The following SUCO variants were observed in gnomAD, a reference collection of about 807,000 sequenced individuals.
SUCO encodes the protein SUN domain containing ossification factor.
In SUCO, 57 loss-of-function variants were observed where a neutral mutation model predicts 148.1. The ratio of observed to expected loss-of-function variants is 0.38; its 90% CI spans 0.31 to 0.48. The LOEUF is 0.48. Ranked by LOEUF, SUCO falls within the 20% of genes least tolerant of loss-of-function variation. The pLI, the probability that SUCO is intolerant of heterozygous loss-of-function variation, is 0.96. For missense variants in SUCO, 1,331 were observed against 1,468.2 expected, an observed-to-expected ratio of 0.91 and a Z score of 1.53; for synonymous variants, 470 against 502.7, an observed-to-expected ratio of 0.93 and a Z score of 0.87.
intron 8 of SUCO, 87 bp from the exon 9 acceptor site, chr1:172,570,576 A>G: frequency 1.2e-6 from 1 of 863,320 alleles, no homozygotes; most frequent in East Asian, 2.6e-5. Flanking sequence ...CTAAAAATAC[A>G]GAAGTCCCAG....
intron 10 of SUCO, chr1:172,574,745 G>C (rs542895648): frequency 1.1e-4 from 27 of 235,130 alleles, no homozygotes; most frequent in South Asian, 7.8e-4. Context: ...GTAGGATGCT[G>C]TTTCTTTATG....
At chr1:172,587,771 C>T (rs1185002305) in intron 17 of SUCO, among the ~76,000 whole-genome samples, 1 of 151,972 alleles carries the variant, frequency 6.6e-6, no homozygotes, top group African/African-American at 2.4e-5. Flanking sequence ...AGTAATTTTT[C>T]AGAATGGGAA....
At chr1:172,532,504 C>G, upstream of SUCO, 1 of 1,613,592 alleles carries the variant, frequency 6.2e-7, no homozygotes, top group Non-Finnish European at 8.5e-7. Context: ...CCCTTTCTAT[C>G]TACCAATCAA....
At position 172,589,818 on chromosome 1, in the gene SUCO, A is replaced by G. The variant is rs147779267; in HGVS notation, c.2717A>G (p.His906Arg). The change falls in exon 18 of 24, where the codon CAT becomes CGT. Residue 906 changes from histidine to arginine, a missense_variant. This residue lies in a region of SUCO where 992 missense variants were observed against 1,093.5 expected (regional missense o/e 0.91). Transcript: ENST00000263688. ...GGATATGCTAATGGAAATCTTGTAC[A>G]TGGATCAAACCAAAAGGAGTCAGTA... ...DLGYANGNLVHGSNQKESVFM... is the reference protein window; with the variant it reads ...DLGYANGNLVRGSNQKESVFM... 3.7e-6 allele frequency: 6 copies of G among 1,610,546 alleles called. No homozygotes were observed. In the African/African-American group the frequency reaches 4.0e-5, roughly 11 times the overall value.
At chr1:172,532,425 T>C (rs1222304192), upstream of SUCO, 7 of 1,459,964 alleles carry the variant, frequency 4.8e-6, no homozygotes, top group Non-Finnish European at 6.5e-6. Context: ...GGCGAAATTC[T>C]TGCTGAAGAG....
intron 15 of SUCO, among the ~76,000 whole-genome samples, chr1:172,581,278 A>T (rs1214100642): frequency 2.6e-5 from 4 of 152,122 alleles, no homozygotes. Flanking sequence ...CCTTTTACAG[A>T]TCTCTGGGAG....
chr1:172,588,203 G>A, intron 17 of SUCO: 1 of 985,180 alleles, frequency 1.0e-6, no homozygotes, highest in Non-Finnish European at 1.2e-6. Context: ...ATGCTGTATT[G>A]GAGTTCCTCA....
chr1:172,573,077 C>G (rs1655167464), intron 9 of SUCO, among the ~76,000 whole-genome samples: 1 of 152,058 alleles, frequency 6.6e-6, no homozygotes, highest in African/African-American at 2.4e-5. Context: ...CAATAAATTG[C>G]ATGTATAATA....
At chr1:172,577,402 T>G (rs544161659) in intron 11 of SUCO, 137 bp from the exon 12 acceptor site, 1 of 779,430 alleles carries the variant, frequency 1.3e-6, no homozygotes, top group East Asian at 2.8e-5. Flanking sequence ...GAATTAAGAA[T>G]ACTACAGTGT....
rs138716610 is a variant in SUCO at position 172,557,801 on chromosome 1, A to G, written c.732+7A>G. On this transcript the variant is annotated splice_region_variant and intron_variant, in intron 6 of 23. Transcript: ENST00000263688. Reference sequence around the variant, plus strand: ...AGATAATTTAAAAAATGAGGTAGGTATATAACTTGCACTATCTCTTACTTC... The same window carrying G: ...AGATAATTTAAAAAATGAGGTAGGTGTATAACTTGCACTATCTCTTACTTC... The G allele has an allele frequency of 9.1e-5, 144 of 1,584,022 alleles. No homozygotes were observed. The African/African-American group carries it at 1.7e-3, about 19-fold the overall frequency.
intron 6 of SUCO, among the ~76,000 whole-genome samples, chr1:172,562,308 A>C (rs1031046646): frequency 6.6e-6 from 1 of 151,994 alleles, no homozygotes; most frequent in South Asian, 2.1e-4. Flanking sequence ...TTAACATTTT[A>C]AGAAAATTGG....
intron 1 of SUCO, among the ~76,000 whole-genome samples, chr1:172,549,071 A>G (rs1653082649): frequency 6.6e-6 from 1 of 151,908 alleles, no homozygotes; most frequent in South Asian, 2.1e-4. Context: ...TCTTAATAAC[A>G]TAATGTTTTC....
chr1:172,561,519 C>G (rs1016281612), intron 6 of SUCO, among the ~76,000 whole-genome samples: 2 of 152,112 alleles, frequency 1.3e-5, no homozygotes, highest in Admixed American at 6.5e-5. Context: ...CCCACACCAG[C>G]TCAGGGTAAT....
At chr1:172,609,446 C>T in intron 23 of SUCO, 1 of 910,916 alleles carries the variant, frequency 1.1e-6, no homozygotes, top group Non-Finnish European at 1.3e-6. Flanking sequence ...CTGAACCTTG[C>T]TTTTCTCATT....
At chr1:172,559,900 T>A (rs935586907) in intron 6 of SUCO, among the ~76,000 whole-genome samples, 1 of 152,154 alleles carries the variant, frequency 6.6e-6, no homozygotes, top group Non-Finnish European at 1.5e-5. Context: ...TTTGATCTGA[T>A]GTCCAAGACC....
At chr1:172,588,229 A>G in intron 17 of SUCO, 1 of 985,278 alleles carries the variant, frequency 1.0e-6, no homozygotes, top group Non-Finnish European at 1.2e-6. Flanking sequence ...TTCTTAGAAA[A>G]ATTATGTTTG....
intron 3 of SUCO, 81 bp from the exon 4 acceptor site, chr1:172,555,788 C>A: frequency 1.8e-6 from 2 of 1,107,688 alleles, no homozygotes; most frequent in South Asian, 2.3e-5. Flanking sequence ...TTCAGAAATG[C>A]TTTCCATAAA....
In SUCO at chr1:172,573,960, T is replaced by A. The variant is rs780196635; in HGVS notation, c.1119T>A (p.Ser373=). 26 of 1,599,698 alleles carry A rather than the reference T, an allele frequency of 1.6e-5. No individual in the cohort carries two copies. Among genetic ancestry groups the A allele is most frequent in the Non-Finnish European group, 3.4e-6 (4 of 1,169,242 alleles). The change falls in exon 10 of 24, where the codon TCT becomes TCA. Residue 373 remains serine, a synonymous_variant. Transcript: ENST00000263688. The part of the protein sequence containing the change: ...QLDIANYELF[S]STPKDFLVSI... Reference sequence around the variant, plus strand: ...ATATTGCAAATTATGAATTATTTTCTTCTACTCCTAAAGATTTTCTGGTTT... The same window carrying A: ...ATATTGCAAATTATGAATTATTTTCATCTACTCCTAAAGATTTTCTGGTTT...
intron 1 of SUCO, among the ~76,000 whole-genome samples, chr1:172,540,932 A>C (rs994648846): frequency 6.6e-6 from 1 of 152,180 alleles, no homozygotes; most frequent in Non-Finnish European, 1.5e-5. Flanking sequence ...AACCAGTCCA[A>C]AGAATTAGAT....
Sources: gnomAD v4.1 joint callset for allele counts (sites outside exome capture counted in the v4.1 genomes callset) on GRCh38, gnomAD v4.1.1 for gene constraint, gnomAD v4.1.1 regional missense constraint, MANE v1.5 for transcripts, NCBI Gene and HGNC (gene_info 2026-07-23, HGNC 2026-07-21) for gene names.